The following PHF8 variants were observed in gnomAD, a reference collection of about 807,000 sequenced individuals.
PHF8 encodes the protein histone lysine demethylase PHF8.
PHF8 carries 9 observed loss-of-function variants against 74.4 expected under a neutral mutation model. The observed-to-expected ratio is 0.12, with a 90% confidence interval of 0.07 to 0.21. PHF8 has a LOEUF of 0.21. PHF8 is among the 10% of genes least tolerant of loss of function. PHF8 has a pLI of 1.00. For synonymous variants in PHF8, 311 were observed against 316.6 expected (o/e 0.98, Z 0.19); for missense variants, 478 against 816.6 (o/e 0.59, Z 5.05).
rs2065728517 is a variant in PHF8 at position 53,995,277 on chromosome X, C to T, written c.1323+416G>A. On this transcript the variant is annotated intron_variant, in intron 12 of 21. Coordinates refer to ENST00000338154, the MANE Select transcript of PHF8 (RefSeq NM_015107.3). The stretch of plus-strand genomic sequence containing the variant: ...ACAACAACTACAACTACCACCACCA[C>T]CCACCACCACGACCCACCGTCAGAA... 1.8e-5 allele frequency: 6 copies of T among 339,846 alleles called. No individual in the cohort carries two copies. The Admixed American group carries it at 1.9e-4, about 11-fold the overall frequency. The allele number at this position is 339,846 out of a possible 1,213,427, so 28.0% of individuals were successfully genotyped here.
intron 12 of PHF8, chrX:53,995,051 C>G (rs1471640907): frequency 3.3e-6 from 1 of 303,371 alleles, no homozygotes; most frequent in African/African-American, 2.8e-5. Context: ...CCTCACTTTA[C>G]AGATGAGGAA....
In PHF8 at chrX:53,937,842, A is replaced by G; in HGVS notation, c.*1316T>C. The G allele has an allele frequency of 2.0e-6, 1 of 504,432 alleles. No individual in the cohort carries two copies. Among genetic ancestry groups the G allele is most frequent in the Non-Finnish European group, 3.4e-6 (1 of 296,318 alleles). 41.6% of individuals were successfully genotyped at this position (504,432 alleles called of 1,213,427 possible). On this transcript the variant is annotated 3_prime_UTR_variant, in exon 22 of 22. Transcript: ENST00000338154. ...ACTCCACTTGGGTAGTGCCAAATGG[A>G]GGTGGGGGGATGTTCTCCATCGAGT...
At chrX:53,999,999 C>G (rs1557103869) in intron 10 of PHF8, 38 bp from the exon 11 acceptor site, 1 of 922,941 alleles carries the variant, frequency 1.1e-6, no homozygotes, top group East Asian at 3.1e-5. Context: ...GTCAACAAAG[C>G]CATGCAGGAA....
chrX:54,011,603 C>T (rs1230406818), intron 7 of PHF8, among the ~76,000 whole-genome samples: 1 of 111,682 alleles, frequency 9.0e-6, no homozygotes, highest in African/African-American at 3.3e-5. Flanking sequence ...AGAATGGCCT[C>T]TACAGATGAG....
chrX:53,962,575 C>T (rs2149796153), intron 19 of PHF8, among the ~76,000 whole-genome samples: 1 of 111,376 alleles, frequency 9.0e-6, no homozygotes, highest in East Asian at 2.8e-4. Context: ...TCAAGGTCTT[C>T]CTTTCACCTC....
At chrX:54,019,804 A>AG (rs1407796136) in intron 4 of PHF8, among the ~76,000 whole-genome samples, 19 of 108,378 alleles carry the variant, frequency 1.8e-4, no homozygotes, top group Non-Finnish European at 2.9e-4. Flanking sequence ...AAAAAAAAAA[A>AG]AAAGAAAGAA....
chrX:53,979,295 T>C (rs2065440405), intron 18 of PHF8, among the ~76,000 whole-genome samples: 1 of 110,934 alleles, frequency 9.0e-6, no homozygotes, highest in Non-Finnish European at 1.9e-5. Context: ...GGCAGAAGAA[T>C]CGCTTGAACC....
intron 5 of PHF8, 55 bp downstream of exon 5, chrX:54,017,606 C>T: frequency 9.6e-7 from 1 of 1,040,655 alleles, no homozygotes; most frequent in South Asian, 1.9e-5. Context: ...GGAAGGGACA[C>T]AGATCTTGAC....
intron 15 of PHF8, 24 bp downstream of exon 15, chrX:53,987,742 G>A (rs1557100050): frequency 7.0e-6 from 8 of 1,147,738 alleles, no homozygotes; most frequent in Non-Finnish European, 9.4e-6. Context: ...GGCAGGGGAG[G>A]AAAAAGAAAG....
chrX:54,027,022 C>G lies in PHF8; in HGVS notation c.99-4179G>C, dbSNP rs145436996. Among the ~76,000 whole-genome samples, 566 of 111,276 alleles carry G rather than the reference C, an allele frequency of 5.1e-3. 2 individuals carry two copies. The highest frequency in any genetic ancestry group is 0.017 in the African/African-American group (535 of 30,641). On this transcript the variant is annotated intron_variant, in intron 2 of 21. Coordinates refer to ENST00000338154, the MANE Select transcript of PHF8 (RefSeq NM_015107.3). Reference sequence around the variant, plus strand: ...CCTTAACTTCTCATCACCAATCTACCTCCTTCTACACCCATCCTTTTTTTC... The same window carrying G: ...CCTTAACTTCTCATCACCAATCTACGTCCTTCTACACCCATCCTTTTTTTC...
chrX:53,977,946 T>TC (rs1406374520), intron 18 of PHF8, among the ~76,000 whole-genome samples: 1 of 78,164 alleles, frequency 1.3e-5, no homozygotes, highest in Admixed American at 1.5e-4. Context: ...GCGCCCGGCC[T>TC]TTTTTTTTTT....
At position 54,016,755 on chromosome X, in the gene PHF8, T is replaced by C. The variant is rs1405711768; in HGVS notation, c.455-19A>G. 4 of 1,185,769 alleles carry C rather than the reference T, an allele frequency of 3.4e-6. No individual in the cohort carries two copies. The highest frequency in any genetic ancestry group is 4.6e-6 in the Non-Finnish European group (4 of 873,767). On this transcript the variant is annotated intron_variant, in intron 5 of 21. Transcript: ENST00000338154. ...TCAGAACCTGGAGTAAAGAGATAGG[T>C]TCTGCACCAAGTAGTCTCAGGGACT... is the stretch of plus-strand genomic sequence containing the variant.
rs184352321 is a variant in PHF8 at position 54,026,737 on chromosome X, C to T, written c.99-3894G>A. Among the ~76,000 whole-genome samples, 39 of 110,825 alleles carry T rather than the reference C, an allele frequency of 3.5e-4. No individual in the cohort carries two copies. The Admixed American group carries it at 3.7e-3, about 11-fold the overall frequency. On this transcript the variant is annotated intron_variant, in intron 2 of 21. Coordinates refer to ENST00000338154, the MANE Select transcript of PHF8 (RefSeq NM_015107.3). ...CCAGCCTCCCAAGTAGCTAGGACTACAAGCACACACCACCACGCCCACCTA... is the reference window on the plus strand; with the variant it reads ...CCAGCCTCCCAAGTAGCTAGGACTATAAGCACACACCACCACGCCCACCTA...
intron 3 of PHF8, 25 bp from the exon 4 acceptor site, chrX:54,022,392 T>A: frequency 1.0e-6 from 1 of 993,227 alleles, no homozygotes; most frequent in Non-Finnish European, 1.4e-6. Flanking sequence ...CATGAGAGAT[T>A]GTGAGTCAGA....
intron 2 of PHF8, among the ~76,000 whole-genome samples, chrX:54,024,908 G>A (rs1557111051): frequency 2.7e-5 from 3 of 109,673 alleles, no homozygotes; most frequent in African/African-American, 1.0e-4. Flanking sequence ...ACAGAGTCTC[G>A]CTCTGTCACC....
intron 18 of PHF8, among the ~76,000 whole-genome samples, chrX:53,971,767 C>T (rs143371916): frequency 0.011 from 1,177 of 110,904 alleles, 7 homozygotes; most frequent in Non-Finnish European, 0.014. Flanking sequence ...ATACACCCTC[C>T]GAAGAATGAA....
intron 4 of PHF8, among the ~76,000 whole-genome samples, chrX:54,018,990 TAGA>T (rs1216675038): frequency 3.6e-5 from 4 of 110,643 alleles, no homozygotes; most frequent in African/African-American, 1.3e-4. Flanking sequence ...GCTTTAAGAG[TAGA>T]AAAACCTGGG....
chrX:53,985,664 T>C, intron 17 of PHF8, 152 bp downstream of exon 17: 1 of 987,712 alleles, frequency 1.0e-6, no homozygotes, highest in Non-Finnish European at 1.4e-6. Flanking sequence ...GTTTCATGCC[T>C]ACTTTATTCT....
chrX:54,013,621 C>T (rs2066016074), intron 7 of PHF8, among the ~76,000 whole-genome samples: 1 of 110,528 alleles, frequency 9.0e-6, no homozygotes, highest in Non-Finnish European at 1.9e-5. Context: ...CGTTCGAGAC[C>T]AGCCTGGCCA....
Sources: gnomAD v4.1 joint callset for allele counts (sites outside exome capture counted in the v4.1 genomes callset) on GRCh38, gnomAD v4.1.1 for gene constraint, MANE v1.5 for transcripts, NCBI Gene and HGNC (gene_info 2026-07-23, HGNC 2026-07-21) for gene names.